Variants in ADSS2 observed in about 807,000 individuals in gnomAD.
The protein encoded by ADSS2 is adenylosuccinate synthetase isozyme 2.
A neutral mutation model predicts 60.0 loss-of-function variants in ADSS2; 30 were observed. The ratio of observed to expected loss-of-function variants is 0.50; its 90% CI spans 0.37 to 0.68. The LOEUF (loss-of-function observed/expected upper bound fraction) is 0.68, where lower values mean the gene tolerates loss of function less well. Ranked by LOEUF, ADSS2 falls within the 30% of genes least tolerant of loss-of-function variation. ADSS2 has a pLI of 0.00. For missense variants in ADSS2, 373 were observed against 554.8 expected, an observed-to-expected ratio of 0.67 and a Z score of 3.29; for synonymous variants, 187 against 193.1, an observed-to-expected ratio of 0.97 and a Z score of 0.26.
rs1258487011 is a variant in ADSS2 at position 244,451,250 on chromosome 1, AAG to A, written c.183+383_183+384del. Among the ~76,000 whole-genome samples, 1 of 152,112 alleles carries A rather than the reference AAG, an allele frequency of 6.6e-6. No homozygotes were observed. Among genetic ancestry groups the A allele is most frequent in the Non-Finnish European group, 1.5e-5 (1 of 68,014 alleles). On this transcript the variant is annotated intron_variant, in intron 1 of 12. Coordinates refer to ENST00000366535, the MANE Select transcript of ADSS2 (RefSeq NM_001126.5). This position sits in a 1 kb window ranked among gnomAD's most constrained non-coding sequence, Gnocchi z 6.6. ...GCGCCGGGTCTCCGCCCGCAGTCGG[AAG>A]AGTTGGGAGCAGGCCTCGGGCGGTA...
intron 1 of ADSS2, among the ~76,000 whole-genome samples, chr1:244,443,773 C>A (rs527948632): frequency 2.6e-5 from 4 of 152,142 alleles, no homozygotes; most frequent in Non-Finnish European, 2.9e-5. Flanking sequence ...GATGGGGAGG[C>A]CTAGGCACGG....
chr1:244,448,098 T>C (rs2148017052), intron 1 of ADSS2, among the ~76,000 whole-genome samples: 1 of 152,286 alleles, frequency 6.6e-6, no homozygotes, highest in South Asian at 2.1e-4. Flanking sequence ...ATAGCAATTG[T>C]TATAAACCTG....
At chr1:244,440,570 T>C (rs1665212749) in intron 1 of ADSS2, among the ~76,000 whole-genome samples, 1 of 152,164 alleles carries the variant, frequency 6.6e-6, no homozygotes, top group Non-Finnish European at 1.5e-5. Flanking sequence ...TTTTACTATT[T>C]ATTTTTTTAA....
At chr1:244,413,161 A>C (rs1664452046) in intron 11 of ADSS2, among the ~76,000 whole-genome samples, 2 of 152,226 alleles carry the variant, frequency 1.3e-5, no homozygotes, top group South Asian at 4.1e-4. Flanking sequence ...GTGGTAGAAC[A>C]AAGTTGAGTA....
intron 3 of ADSS2, among the ~76,000 whole-genome samples, chr1:244,435,194 A>AAAAAAAAAAAAAAAAAAAACAAAC (rs1553308065): frequency 7.8e-6 from 1 of 127,852 alleles, no homozygotes; most frequent in African/African-American, 3.2e-5. Context: ...AAAAAAAAAA[A>AAAAAAAAAAAAAAAAAAAACAAAC]AAACAAACCT....
chr1:244,422,509 T>TGCATCA (rs1273934652), intron 7 of ADSS2, among the ~76,000 whole-genome samples: 1 of 152,226 alleles, frequency 6.6e-6, no homozygotes, highest in African/African-American at 2.4e-5. Context: ...TTAGAAGTGA[T>TGCATCA]TTTTATATGA....
At chr1:244,409,717 C>T in intron 12 of ADSS2, 79 bp from the exon 13 acceptor site, 1 of 1,136,546 alleles carries the variant, frequency 8.8e-7, no homozygotes, top group Non-Finnish European at 1.3e-6. Context: ...CAGGTAGTCC[C>T]CTACTTTTCT....
At chr1:244,416,955 G>A (rs1052672026) in intron 10 of ADSS2, among the ~76,000 whole-genome samples, 4 of 152,116 alleles carry the variant, frequency 2.6e-5, no homozygotes, top group Admixed American at 6.5e-5. Context: ...TGGGATTCTC[G>A]TCCAAAAACT....
intron 1 of ADSS2, among the ~76,000 whole-genome samples, chr1:244,441,519 T>C (rs1371360708): frequency 6.6e-6 from 1 of 151,982 alleles, no homozygotes; most frequent in African/African-American, 2.4e-5. Context: ...CAAACCAGGT[T>C]TTTTTTTAGA....
At chr1:244,443,974 C>T (rs1665316854) in intron 1 of ADSS2, among the ~76,000 whole-genome samples, 1 of 152,154 alleles carries the variant, frequency 6.6e-6, no homozygotes, top group Non-Finnish European at 1.5e-5. Flanking sequence ...ACCCTACCCC[C>T]CACCAACACC....
intron 11 of ADSS2, among the ~76,000 whole-genome samples, chr1:244,413,813 C>G (rs1438101850): frequency 6.6e-6 from 1 of 152,132 alleles, no homozygotes; most frequent in Non-Finnish European, 1.5e-5. Flanking sequence ...TACACTGGTG[C>G]TCCAGCACTG....
At chr1:244,429,491 G>A (rs1347879249) in intron 4 of ADSS2, among the ~76,000 whole-genome samples, 2 of 152,222 alleles carry the variant, frequency 1.3e-5, no homozygotes, top group Non-Finnish European at 2.9e-5. Flanking sequence ...AGCAAAGATC[G>A]AAGTGGTTTC....
At chr1:244,444,466 G>C (rs1424236576) in intron 1 of ADSS2, among the ~76,000 whole-genome samples, 1 of 118,888 alleles carries the variant, frequency 8.4e-6, no homozygotes, top group African/African-American at 3.2e-5. Context: ...AGTGAGCCGA[G>C]ATCCCGCCAC....
At chr1:244,425,295 G>A (rs1056988440) in intron 4 of ADSS2, among the ~76,000 whole-genome samples, 1 of 151,988 alleles carries the variant, frequency 6.6e-6, no homozygotes, top group African/African-American at 2.4e-5. Context: ...CAGCTTTATG[G>A]GAATATAATT....
intron 3 of ADSS2, among the ~76,000 whole-genome samples, chr1:244,433,855 T>C (rs1252755043): frequency 9.5e-6 from 1 of 105,548 alleles, no homozygotes; most frequent in African/African-American, 3.5e-5. Context: ...CAAGACTCCA[T>C]CTTTAAAAAA....
intron 8 of ADSS2, 127 bp from the exon 9 acceptor site, chr1:244,419,041 C>G: frequency 1.2e-6 from 1 of 823,046 alleles, no homozygotes. Flanking sequence ...TGTAACTGCC[C>G]TCTCAAAGAC....
chr1:244,444,338 A>AC (rs1374012060), intron 1 of ADSS2, among the ~76,000 whole-genome samples: 4 of 148,682 alleles, frequency 2.7e-5, no homozygotes, highest in African/African-American at 1.0e-4. Flanking sequence ...AAACGGTGAA[A>AC]CCCCGTCTCT....
intron 11 of ADSS2, among the ~76,000 whole-genome samples, chr1:244,412,494 A>G (rs964673157): frequency 9.9e-5 from 15 of 152,214 alleles, no homozygotes; most frequent in African/African-American, 3.6e-4. Flanking sequence ...GAGTATGGAT[A>G]GCCTCTATCT....
intron 4 of ADSS2, among the ~76,000 whole-genome samples, chr1:244,425,089 T>C (rs1275370283): frequency 1.3e-5 from 2 of 152,172 alleles, no homozygotes; most frequent in African/African-American, 4.8e-5. Context: ...ACATAACTTG[T>C]ACTCCCTCTC....
Sources: gnomAD v4.1 joint callset for allele counts (sites outside exome capture counted in the v4.1 genomes callset) on GRCh38, gnomAD v4.1.1 for gene constraint, Gnocchi (gnomAD v3.1) non-coding constraint, MANE v1.5 for transcripts, NCBI Gene and HGNC (gene_info 2026-07-23, HGNC 2026-07-21) for gene names.